The following LRRC71 variants were observed in gnomAD, a reference collection of about 807,000 sequenced individuals.
The protein encoded by LRRC71 is leucine-rich repeat-containing protein 71.
In LRRC71, 54 loss-of-function variants were observed where a neutral mutation model predicts 66.6. The ratio of observed to expected loss-of-function variants is 0.81; its 90% confidence interval spans 0.65 to 1.02. LRRC71 has a LOEUF of 1.02. Among genes scored for constraint, LRRC71 ranks in the 50% least tolerant of loss-of-function variants. The probability of loss-of-function intolerance (pLI) is 0.00; values close to 1 mark genes in which losing one functional copy is unlikely to be tolerated. For synonymous variants in LRRC71, 323 were observed against 303.9 expected (o/e 1.06, Z -0.65); for missense variants, 724 against 718.0 (o/e 1.01, Z -0.10).
At chr1:156,927,059 T>C in intron 5 of LRRC71, 143 bp from the exon 6 acceptor site, 1 of 704,092 alleles carries the variant, frequency 1.4e-6, no homozygotes, top group East Asian at 2.8e-5. Flanking sequence ...TGGGGAATTG[T>C]CACATATATT....
intron 5 of LRRC71, 81 bp downstream of exon 5, chr1:156,925,096 T>C (rs1653000346): frequency 1.5e-6 from 2 of 1,359,818 alleles, no homozygotes; most frequent in Non-Finnish European, 2.0e-6. Context: ...GGGATGGAAG[T>C]GGCAGGTCCC....
rs935867088 is a variant in LRRC71 at position 156,924,190 on chromosome 1, G to A, written c.310+92G>A. 6 of 1,421,266 alleles carry A rather than the reference G, an allele frequency of 4.2e-6. No individual in the cohort carries two copies. In the African/African-American group the frequency reaches 8.5e-5, roughly 20 times the overall value. The allele number at this position is 1,421,266 out of a possible 1,614,324, so 88.0% of individuals were successfully genotyped here. ...ACGCCGGGCCAAATGGAGGGACGCG[G>A]GGCGGTGTGTGTGTGTGAGTCGGCG... On this transcript the variant is annotated intron_variant, in intron 2 of 14. Coordinates refer to ENST00000337428, the MANE Select transcript of LRRC71 (RefSeq NM_144702.3).
At chr1:156,921,359 C>T (rs1652337389) in intron 1 of LRRC71, among the ~76,000 whole-genome samples, 1 of 152,220 alleles carries the variant, frequency 6.6e-6, no homozygotes, top group Non-Finnish European at 1.5e-5. Flanking sequence ...ATGGGGTTTA[C>T]ATCCTCTGGG....
chr1:156,932,025 T>A lies in LRRC71; in HGVS notation c.1439T>A (p.Ile480Asn). 2 of 1,586,074 alleles carry A rather than the reference T, an allele frequency of 1.3e-6. No homozygotes were observed. Among genetic ancestry groups the A allele is most frequent in the Non-Finnish European group, 1.7e-6 (2 of 1,165,250 alleles). ...GNKVLLHLNL[I>N]RNRITEVGLE... ...AAGGTCCTTTTGCACCTCAACCTCA[T>A]CCGTATGTCTGCCAACCTCCCCTGT... The change falls in exon 13 of 15, where the codon ATC becomes AAC. Residue 480 changes from isoleucine (I) to asparagine (N), a missense_variant and splice_region_variant. Coordinates refer to ENST00000337428, the MANE Select transcript of LRRC71 (RefSeq NM_144702.3).
chr1:156,940,542 T>C, the LRRC71 span: 1 of 898,286 alleles, frequency 1.1e-6, no homozygotes, highest in South Asian at 2.1e-5. Flanking sequence ...TACAGTTGTT[T>C]ACTGAGAACT....
Position 156,924,430 on chromosome 1 carries a change from C to G in LRRC71, c.317C>G (p.Pro106Arg). The G allele has an allele frequency of 6.4e-7, 1 of 1,550,444 alleles. No individual in the cohort carries two copies. The highest frequency in any genetic ancestry group is 8.7e-7 in the Non-Finnish European group (1 of 1,146,942). ...SLSEKATLDD[P>R]RLSGSCSLNS... ...CCTCACCTCTGCCTTCCAGACGATC[C>G]GCGGCTGTCGGGGTCCTGCAGCCTC... is the stretch of plus-strand genomic sequence containing the variant. The change falls in exon 3 of 15, where the codon CCG becomes CGG. Residue 106 changes from proline to arginine, a missense_variant. By Grantham distance (103) the Pro-to-Arg change is moderately radical (BLOSUM62 -2). Coordinates refer to ENST00000337428, the MANE Select transcript of LRRC71 (RefSeq NM_144702.3).
At chr1:156,940,366 G>C in the LRRC71 span, 4 of 1,613,568 alleles carry the variant, frequency 2.5e-6, no homozygotes. Flanking sequence ...CTGCCCTCCT[G>C]CTCAGGGTCC....
intron 14 of LRRC71, 141 bp downstream of exon 14, chr1:156,932,686 C>A (rs1170900953): frequency 6.4e-7 from 1 of 1,573,660 alleles, no homozygotes; most frequent in African/African-American, 1.4e-5. Flanking sequence ...ATAATCACAA[C>A]ATAACCTCCA....
chr1:156,928,494 T>TTCTTCTCCTTCTTCTCTTCTTCC (rs1431645968), intron 9 of LRRC71, among the ~76,000 whole-genome samples: 31 of 143,394 alleles, frequency 2.2e-4, no homozygotes, highest in African/African-American at 7.7e-4. Flanking sequence ...CCTCCTCCTC[T>TTCTTCTCCTTCTTCTCTTCTTCC]TCTTCCTCCT....
intron 8 of LRRC71, 45 bp from the exon 9 acceptor site, chr1:156,927,870 C>T: frequency 6.2e-7 from 1 of 1,610,856 alleles, no homozygotes; most frequent in Non-Finnish European, 8.5e-7. Context: ...GGGAGCCGAC[C>T]CTGACTACCC....
chr1:156,936,895 G>A (rs1655500316), downstream of LRRC71: 2 of 1,614,158 alleles, frequency 1.2e-6, no homozygotes, highest in Non-Finnish European at 8.5e-7. Flanking sequence ...GTGAGAGGGA[G>A]CCATCTGTCC....
chr1:156,939,429 G>A, the LRRC71 span: 250 of 1,416,518 alleles, frequency 1.8e-4, no homozygotes, highest in East Asian at 4.9e-3. Flanking sequence ...AGGACCCAGC[G>A]TAGGTCTCTG....
intron 9 of LRRC71, 131 bp from the exon 10 acceptor site, chr1:156,929,149 A>G: frequency 9.5e-7 from 1 of 1,055,470 alleles, no homozygotes; most frequent in East Asian, 2.6e-5. Context: ...TTTAGCATTT[A>G]GGCAGGGAGG....
intron 1 of LRRC71, among the ~76,000 whole-genome samples, chr1:156,923,156 CTGG>C: frequency 6.6e-6 from 1 of 152,222 alleles, no homozygotes; most frequent in East Asian, 1.9e-4. Context: ...GGTGTCCCTC[CTGG>C]CACAGCTCCT....
intron 1 of LRRC71, among the ~76,000 whole-genome samples, chr1:156,923,443 G>C (rs1338737202): frequency 3.3e-5 from 5 of 152,250 alleles, no homozygotes; most frequent in Admixed American, 2.6e-4. Context: ...ACACTAGGAA[G>C]TGCCATATAA....
rs556324397 is a variant in LRRC71 at position 156,922,192 on chromosome 1, G to T, written c.160+1229G>T. 1.1e-3 allele frequency among the ~76,000 whole-genome samples: 167 copies of T among 152,264 alleles called. 1 individual carries two copies. The highest frequency in any genetic ancestry group is 3.9e-3 in the African/African-American group (164 of 41,546). On this transcript the variant is annotated intron_variant, in intron 1 of 14. Coordinates refer to ENST00000337428, the MANE Select transcript of LRRC71 (RefSeq NM_144702.3). ...GACTTTGGGAGCTGCTGATGTTCTG[G>T]CATAATTAAGTCCTGGCAATGAAAG...
At chr1:156,928,312 ACTT>A (rs755253025) in intron 9 of LRRC71, among the ~76,000 whole-genome samples, 23 of 146,786 alleles carry the variant, frequency 1.6e-4, no homozygotes, top group Admixed American at 4.8e-4. Flanking sequence ...TTACTAAACA[ACTT>A]CTTCTTCTTC....
At chr1:156,940,445 A>T in the LRRC71 span, 5 of 1,584,164 alleles carry the variant, frequency 3.2e-6, no homozygotes, top group Non-Finnish European at 4.3e-6. Context: ...ATGAGAGAAG[A>T]TTGTAAGGCA....
At position 156,927,817 on chromosome 1, in the gene LRRC71, G is replaced by A; in HGVS notation, c.906+1G>A. ...CAAGGGCGCCCTGAAGCTGGCTGAG[G>A]TGGGTGTGCCGATCAGGTGGGGCAG... On this transcript the variant is annotated splice_donor_variant, in intron 8 of 14. Coordinates refer to ENST00000337428, the MANE Select transcript of LRRC71 (RefSeq NM_144702.3). LOFTEE classifies it high-confidence loss of function. The A allele has an allele frequency of 2.5e-6, 4 of 1,613,540 alleles. No homozygotes were observed. The highest frequency in any genetic ancestry group is 3.4e-6 in the Non-Finnish European group (4 of 1,179,712).
Sources: allele counts gnomAD v4.1 joint callset (sites outside exome capture counted in the v4.1 genomes callset), GRCh38; gene constraint gnomAD v4.1.1; transcripts MANE v1.5; gene names NCBI Gene and HGNC (gene_info 2026-07-23, HGNC 2026-07-21).